MLLT3: variants seen among roughly 807,000 people sequenced by gnomAD.
MLLT3 encodes protein AF-9.
MLLT3 carries 4 observed loss-of-function variants against 53.2 expected under a neutral mutation model. That is an observed-to-expected ratio of 0.08 (90% CI 0.04 to 0.17). The LOEUF (loss-of-function observed/expected upper bound fraction) is 0.17. Ranked by LOEUF, MLLT3 falls within the 10% of genes least tolerant of loss-of-function variation. MLLT3 has a pLI of 1.00. For missense variants in MLLT3, 569 were observed against 684.0 expected (o/e 0.83, Z 1.87); for synonymous variants, 283 against 230.6 (o/e 1.23, Z -2.06).
At chr9:20,587,031 G>A (rs1819985986) in intron 2 of MLLT3, among the ~76,000 whole-genome samples, 1 of 152,024 alleles carries the variant, frequency 6.6e-6, no homozygotes, top group Non-Finnish European at 1.5e-5. Flanking sequence ...GTCAGGAGAA[G>A]CCAGCCAATT....
At chr9:20,584,535 C>T (rs1385330363) in intron 2 of MLLT3, among the ~76,000 whole-genome samples, 4 of 152,184 alleles carry the variant, frequency 2.6e-5, no homozygotes, top group African/African-American at 9.6e-5. Context: ...TACAGTTCCA[C>T]GTGGCTGGGA....
At chr9:20,518,035 T>TATGA (rs529232401) in intron 2 of MLLT3, among the ~76,000 whole-genome samples, 266 of 152,136 alleles carry the variant, frequency 1.7e-3, no homozygotes, top group Non-Finnish European at 3.2e-3. Flanking sequence ...AGCATAGTGC[T>TATGA]ATGAATGAAT....
At chr9:20,357,685 A>G (rs1821203006) in intron 8 of MLLT3, among the ~76,000 whole-genome samples, 1 of 152,166 alleles carries the variant, frequency 6.6e-6, no homozygotes, top group Non-Finnish European at 1.5e-5. Flanking sequence ...ACTTTTATTC[A>G]GTATGAAAAT....
At chr9:20,363,056 T>C (rs1821364904) in intron 7 of MLLT3, 1 of 154,842 alleles carries the variant, frequency 6.5e-6, no homozygotes, top group Admixed American at 6.5e-5. Flanking sequence ...ATCCTAGTTT[T>C]AATTAGGTCA....
intron 2 of MLLT3, among the ~76,000 whole-genome samples, chr9:20,574,474 T>G (rs1039951938): frequency 2.6e-5 from 4 of 152,354 alleles, no homozygotes; most frequent in Non-Finnish European, 4.4e-5. Context: ...CACAATTTTT[T>G]GGGTTTCTGA....
At chr9:20,498,542 C>T (rs1316016145) in intron 2 of MLLT3, among the ~76,000 whole-genome samples, 1 of 152,186 alleles carries the variant, frequency 6.6e-6, no homozygotes, top group Admixed American at 6.5e-5. Flanking sequence ...TCCAACCCGC[C>T]GACCACAGGC....
At chr9:20,617,496 G>A (rs1042321258) in intron 2 of MLLT3, among the ~76,000 whole-genome samples, 2 of 152,120 alleles carry the variant, frequency 1.3e-5, no homozygotes, top group Non-Finnish European at 2.9e-5. Flanking sequence ...AATTGCAATA[G>A]TAAGGATGGC....
intron 2 of MLLT3, among the ~76,000 whole-genome samples, chr9:20,582,681 T>C (rs1222311976): frequency 6.6e-6 from 1 of 152,118 alleles, no homozygotes; most frequent in Non-Finnish European, 1.5e-5. Flanking sequence ...ACTTCTTACA[T>C]GGCAGCAGCA....
At chr9:20,404,853 G>C (rs930913937) in intron 5 of MLLT3, among the ~76,000 whole-genome samples, 1 of 151,916 alleles carries the variant, frequency 6.6e-6, no homozygotes, top group African/African-American at 2.4e-5. Context: ...CACACTTCCT[G>C]GACCACTCCT....
chr9:20,481,774 T>G (rs1352092938), intron 2 of MLLT3, among the ~76,000 whole-genome samples: 4 of 152,166 alleles, frequency 2.6e-5, no homozygotes, highest in Non-Finnish European at 5.9e-5. Flanking sequence ...TCACATATAC[T>G]TGACAGAGGT....
At chr9:20,433,458 C>T (rs891387640) in intron 4 of MLLT3, among the ~76,000 whole-genome samples, 1 of 151,974 alleles carries the variant, frequency 6.6e-6, no homozygotes, top group African/African-American at 2.4e-5. Flanking sequence ...AAGTACCTTC[C>T]AATAAAACAC....
At chr9:20,559,396 T>C (rs777405683) in intron 2 of MLLT3, among the ~76,000 whole-genome samples, 86 of 152,292 alleles carry the variant, frequency 5.6e-4, no homozygotes, top group Non-Finnish European at 9.1e-4. Flanking sequence ...GCCATTCCAG[T>C]TTCCAAGCTG....
chr9:20,520,287 CA>C (rs745626022), intron 2 of MLLT3, among the ~76,000 whole-genome samples: 1 of 151,802 alleles, frequency 6.6e-6, no homozygotes, highest in Non-Finnish European at 1.5e-5. Flanking sequence ...ATCTGTACAA[CA>C]AACCTCTATG....
At chr9:20,357,932 C>G (rs1821210005) in intron 8 of MLLT3, among the ~76,000 whole-genome samples, 1 of 151,654 alleles carries the variant, frequency 6.6e-6, no homozygotes. Context: ...GATTCATACT[C>G]TTTCTCTATC....
chr9:20,576,720 A>T (rs554667497), intron 2 of MLLT3, among the ~76,000 whole-genome samples: 14 of 152,310 alleles, frequency 9.2e-5, no homozygotes, highest in Admixed American at 3.9e-4. Context: ...ATAATGAAAA[A>T]TTCTGATATA....
chr9:20,586,412 A>G (rs1819963078), intron 2 of MLLT3, among the ~76,000 whole-genome samples: 1 of 151,938 alleles, frequency 6.6e-6, no homozygotes, highest in African/African-American at 2.4e-5. Context: ...AAAAAAAAAA[A>G]AGGAGATTGA....
chr9:20,560,873 T>C (rs1415840587), intron 2 of MLLT3, among the ~76,000 whole-genome samples: 1 of 152,180 alleles, frequency 6.6e-6, no homozygotes, highest in African/African-American at 2.4e-5. Flanking sequence ...TCAGGGAATT[T>C]GGGGTGTCAT....
intron 2 of MLLT3, among the ~76,000 whole-genome samples, chr9:20,554,505 C>T (rs1476158575): frequency 6.6e-6 from 1 of 152,088 alleles, no homozygotes; most frequent in African/African-American, 2.4e-5. Flanking sequence ...CAGAATGTTA[C>T]AACAGTCCAT....
At chr9:20,590,029 G>T (rs548047708) in intron 2 of MLLT3, among the ~76,000 whole-genome samples, 1 of 152,138 alleles carries the variant, frequency 6.6e-6, no homozygotes, top group Non-Finnish European at 1.5e-5. Context: ...CTGTGGAGCT[G>T]AGTTACCCGC....
Sources: allele counts gnomAD v4.1 joint callset (sites outside exome capture counted in the v4.1 genomes callset), GRCh38; gene constraint gnomAD v4.1.1; transcripts MANE v1.5; gene names NCBI Gene and HGNC (gene_info 2026-07-23, HGNC 2026-07-21).